The following PRAME variants were observed in gnomAD, a reference collection of about 807,000 sequenced individuals.
PRAME encodes the protein melanoma antigen preferentially expressed in tumors.
PRAME carries 21 observed loss-of-function variants against 32.1 expected under a neutral mutation model. The ratio of observed to expected loss-of-function variants is 0.65; its 90% CI spans 0.46 to 0.94. The LOEUF is 0.94. PRAME is among the 40% of genes least tolerant of loss of function. The pLI, the probability that PRAME is intolerant of heterozygous loss-of-function variation, is 0.00. For synonymous variants in PRAME, 274 were observed against 251.5 expected (o/e 1.09, Z -0.85); for missense variants, 651 against 622.3 (o/e 1.05, Z -0.49).
In PRAME at chr22:22,550,754, A is replaced by T; in HGVS notation, c.344+13T>A. The T allele has an allele frequency of 6.4e-7, 1 of 1,559,556 alleles. No individual in the cohort carries two copies. Among genetic ancestry groups the T allele is most frequent in the Non-Finnish European group, 8.7e-7 (1 of 1,150,334 alleles). On this transcript the variant is annotated intron_variant, in intron 4 of 5. Coordinates refer to ENST00000405655, the MANE Select transcript of PRAME (RefSeq NM_206956.3). ...TCCCAGGGCCCCACACCAAGCTGCTAGGTCACCCTTACCTGGGGCGAACCT... is the reference window on the plus strand; with the variant it reads ...TCCCAGGGCCCCACACCAAGCTGCTTGGTCACCCTTACCTGGGGCGAACCT...
chr22:22,548,529 T>TAC lies in PRAME; in HGVS notation c.1067_1068insGT (p.Ser357Ter). The TAC allele has an allele frequency of 6.2e-7, 1 of 1,613,616 alleles. No individual in the cohort carries two copies. Among genetic ancestry groups the TAC allele is most frequent in the Non-Finnish European group, 8.5e-7 (1 of 1,179,930 alleles). On this transcript the variant is annotated frameshift_variant, in exon 6 of 6. Coordinates refer to ENST00000405655, the MANE Select transcript of PRAME (RefSeq NM_206956.3). LOFTEE classifies it low-confidence loss of function (END_TRUNC). ...TTACATCGGTCAGCATGACCCCACT[T>TAC]AGACTCAGGACACTTAGCTGACTGA...
rs2062449809 is a variant in PRAME, at chr22:22,549,637, G to T, written c.953+89C>A. 2.7e-6 allele frequency: 4 copies of T among 1,462,386 alleles called. No homozygotes were observed. The Admixed American group carries it at 1.0e-4, about 37-fold the overall frequency. The allele number at this position is 1,462,386 out of a possible 1,614,324, so 90.6% of individuals were successfully genotyped here. A position where few individuals can be genotyped will look rare whatever the true frequency, so the allele number is the denominator to read the frequency against. On this transcript the variant is annotated intron_variant, in intron 5 of 5. Coordinates refer to ENST00000405655, the MANE Select transcript of PRAME (RefSeq NM_206956.3). ...TGACTTGCTCACTCTTGCATTATTG[G>T]TGGCTGGCACATACAAGATATCCTT...
intron 5 of PRAME, 77 bp downstream of exon 5, chr22:22,549,649 T>C (rs2062450348): frequency 1.3e-6 from 2 of 1,494,898 alleles, no homozygotes; most frequent in Non-Finnish European, 8.9e-7. Flanking sequence ...GGCTGGCACA[T>C]ACAAGATATC....
In PRAME at chr22:22,556,911, T is replaced by C; in HGVS notation, c.-77-2A>G. 6.5e-7 allele frequency: 1 copy of C among 1,532,564 alleles called. No homozygotes were observed. Among genetic ancestry groups the C allele is most frequent in the Non-Finnish European group, 9.0e-7 (1 of 1,107,508 alleles). 94.9% of individuals were successfully genotyped at this position (1,532,564 alleles called of 1,614,324 possible). On this transcript the variant is annotated splice_acceptor_variant, in intron 2 of 5. Transcript: ENST00000405655. LOFTEE classifies it low-confidence loss of function (5UTR_SPLICE). Reference sequence around the variant, plus strand: ...TCAGTCACTTGTTGCCACGCACGTCTGAGAGTAATAATCAAAATGCTCCAA... The same window carrying C: ...TCAGTCACTTGTTGCCACGCACGTCCGAGAGTAATAATCAAAATGCTCCAA...
rs763817084 is a variant in PRAME at position 22,549,783 on chromosome 22, T to C, written c.896A>G (p.Gln299Arg). 1.2e-6 allele frequency: 2 copies of C among 1,613,736 alleles called. No homozygotes were observed. The highest frequency in any genetic ancestry group is 1.1e-5 in the South Asian group (1 of 91,050). The change falls in exon 5 of 6, where the codon CAG (glutamine) becomes CGG (arginine). Residue 299 changes from glutamine (Q) to arginine (R), a missense_variant. Gln to Arg is a conservative substitution (Grantham distance 43). Transcript: ENST00000405655. ...TSQFLSLQCL[Q>R]ALYVDSLFFL... ...AAATAAAGAGTCCACATAGAGAGCC[T>C]GCAGGCACTGCAGACTGAGGAACTG...
intron 3 of PRAME, 67 bp downstream of exon 3, chr22:22,556,745 G>A (rs561979037): frequency 4.2e-5 from 66 of 1,589,284 alleles, no homozygotes; most frequent in East Asian, 6.7e-5. Context: ...CATCTGGCTC[G>A]AGTGACAAGG....
At chr22:22,552,717 C>A in intron 3 of PRAME, 2 of 312,180 alleles carry the variant, frequency 6.4e-6, no homozygotes, top group South Asian at 2.9e-5. Flanking sequence ...AAAAGGAAAA[C>A]CATCTAAGCA....
At chr22:22,552,006 A>T (rs2062607271) in intron 3 of PRAME, among the ~76,000 whole-genome samples, 1 of 151,206 alleles carries the variant, frequency 6.6e-6, no homozygotes, top group Admixed American at 6.6e-5. Flanking sequence ...TCCACCCTCC[A>T]GCACAGTGGC....
At position 22,556,891 on chromosome 22, in the gene PRAME, C is replaced by A; in HGVS notation, c.-59G>T. ...AACGCTTGGATTTCTAGGTCTCAGTCACTTGTTGCCACGCACGTCTGAGAG... is the reference window on the plus strand; with the variant it reads ...AACGCTTGGATTTCTAGGTCTCAGTAACTTGTTGCCACGCACGTCTGAGAG... On this transcript the variant is annotated 5_prime_UTR_variant, in exon 3 of 6. Transcript: ENST00000405655. 1 of 1,584,618 alleles carries A rather than the reference C, an allele frequency of 6.3e-7. No individual in the cohort carries two copies. Among genetic ancestry groups the A allele is most frequent in the Non-Finnish European group, 8.7e-7 (1 of 1,154,512 alleles).
At position 22,548,576 on chromosome 22, in the gene PRAME, G is replaced by C. The variant is rs780206008; in HGVS notation, c.1021C>G (p.His341Asp). Residue 341 changes from histidine (H) to aspartate (D), a missense_variant, in exon 6 of 6, where the codon CAT becomes GAT. By Grantham distance (81) the His-to-Asp change is moderately conservative. Coordinates refer to ENST00000405655, the MANE Select transcript of PRAME (RefSeq NM_206956.3). ...NCRLSEGDVM[H>D]LSQSPSVSQL... ...CTGACGCTGGGACTCTGGGACAGAT[G>C]CATCACATCCCCTTCCGAAAGCCGG... 2.5e-6 allele frequency: 4 copies of C among 1,612,718 alleles called. No homozygotes were observed. The Admixed American group carries it at 6.7e-5, about 27-fold the overall frequency.
In PRAME at chr22:22,556,945, A is replaced by AGC. The variant is rs1277458243; in HGVS notation, c.-77-37_-77-36insGC. 3 of 1,291,390 alleles carry AGC rather than the reference A, an allele frequency of 2.3e-6. No individual in the cohort carries two copies. The African/African-American group carries it at 4.4e-5, about 19-fold the overall frequency. The allele number at this position is 1,291,390 out of a possible 1,614,324, so 80.0% of individuals were successfully genotyped here. A position where few individuals can be genotyped will look rare whatever the true frequency, so the allele number is the denominator to read the frequency against. ...TAATCAAAATGCTCCAAAAAGAAGAATACATGTATAATATTTACGAAGCAA... is the reference window on the plus strand; with the variant it reads ...TAATCAAAATGCTCCAAAAAGAAGAAGCTACATGTATAATATTTACGAAGCAA... On this transcript the variant is annotated intron_variant, in intron 2 of 5. Coordinates refer to ENST00000405655, the MANE Select transcript of PRAME (RefSeq NM_206956.3).
intron 5 of PRAME, among the ~76,000 whole-genome samples, chr22:22,549,008 C>G (rs915347291): frequency 6.6e-6 from 1 of 151,832 alleles, no homozygotes; most frequent in African/African-American, 2.4e-5. Flanking sequence ...AAAATACTTT[C>G]TTTCAACTCG....
At position 22,551,802 on chromosome 22, in the gene PRAME, A is replaced by G. The variant is rs191640002; in HGVS notation, c.22-713T>C. ...TAAAATGGAGAAATAAAAATTGTGT[A>G]TATTTATGGTGTACAATATGATGCT... is the stretch of plus-strand genomic sequence containing the variant. On this transcript the variant is annotated intron_variant, in intron 3 of 5. Transcript: ENST00000405655. 3.5e-3 allele frequency among the ~76,000 whole-genome samples: 534 copies of G among 152,056 alleles called. 7 individuals are homozygous for G. Among genetic ancestry groups the G allele is most frequent in the African/African-American group, 0.012 (505 of 41,482 alleles).
At chr22:22,555,606 T>G (rs2062858903) in intron 3 of PRAME, among the ~76,000 whole-genome samples, 1 of 151,892 alleles carries the variant, frequency 6.6e-6, no homozygotes, top group African/African-American at 2.4e-5. Flanking sequence ...TGGGCTCAAG[T>G]GATCCACCCA....
At chr22:22,553,682 T>G (rs1451171043) in intron 3 of PRAME, 2 of 559,816 alleles carry the variant, frequency 3.6e-6, no homozygotes, top group Non-Finnish European at 4.5e-6. Flanking sequence ...AGAGGTGGGA[T>G]AGAGAGTAAT....
Position 22,550,940 on chromosome 22 carries a change from G to A in PRAME, c.171C>T (p.Phe57=). 2 of 1,613,864 alleles carry A rather than the reference G, an allele frequency of 1.2e-6. No individual in the cohort carries two copies. The highest frequency in any genetic ancestry group is 1.7e-6 in the Non-Finnish European group (2 of 1,179,976). The change falls in exon 4 of 6, where the codon TTC becomes TTT. Residue 57 remains phenylalanine, a synonymous_variant. Coordinates refer to ENST00000405655, the MANE Select transcript of PRAME (RefSeq NM_206956.3). Reference sequence around the variant, plus strand: ...TGTGTCTCCCGTCAAAGGCTGCCATGAAGAGTGGCGGGAAGAGCTCCCTGG... The same window carrying A: ...TGTGTCTCCCGTCAAAGGCTGCCATAAAGAGTGGCGGGAAGAGCTCCCTGG... ...LLPRELFPPL[F]MAAFDGRHSQ...
At chr22:22,553,096 A>G in intron 3 of PRAME, 1 of 369,128 alleles carries the variant, frequency 2.7e-6, no homozygotes, top group Admixed American at 3.5e-5. Context: ...AAAACCACCC[A>G]GAGAGTATAA....
rs894527748 is a variant in PRAME, at chr22:22,553,030, C to G, written c.22-1941G>C. ...TCCTGATGGGGTTTTTTACTTACTT[C>G]AGGTTCAACTGATTGAATGGGATGT... On this transcript the variant is annotated intron_variant, in intron 3 of 5. Coordinates refer to ENST00000405655, the MANE Select transcript of PRAME (RefSeq NM_206956.3). 4.1e-5 allele frequency: 18 copies of G among 434,126 alleles called. 1 individual carries two copies. Among genetic ancestry groups the G allele is most frequent in the South Asian group, 2.7e-4 (16 of 58,528 alleles). The allele number at this position is 434,126 out of a possible 1,614,324, so 26.9% of individuals were successfully genotyped here. A position where few individuals can be genotyped will look rare whatever the true frequency, so the allele number is the denominator to read the frequency against.
chr22:22,548,134 G>A lies in PRAME; in HGVS notation c.1463C>T (p.Pro488Leu). 1 of 1,613,840 alleles carries A rather than the reference G, an allele frequency of 6.2e-7. No homozygotes were observed. Among genetic ancestry groups the A allele is most frequent in the South Asian group, 1.1e-5 (1 of 91,070 alleles). The change falls in exon 6 of 6, where the codon CCT becomes CTT. Residue 488 changes from proline to leucine, a missense_variant. Physicochemically the swap from Pro to Leu is moderately conservative, Grantham distance 98. Coordinates refer to ENST00000405655, the MANE Select transcript of PRAME (RefSeq NM_206956.3). The stretch of plus-strand genomic sequence containing the variant: ...ATAGAAGGTTCTGTCCCCACAGTGA[G>A]GACAGGGGTTGGCACTAAGCCAGAC... ...SMVWLSANPC[P>L]HCGDRTFYDP...
Sources: gnomAD v4.1 joint callset for allele counts (sites outside exome capture counted in the v4.1 genomes callset) on GRCh38, gnomAD v4.1.1 for gene constraint, MANE v1.5 for transcripts, NCBI Gene and HGNC (gene_info 2026-07-23, HGNC 2026-07-21) for gene names.